NRG4: variants seen among roughly 807,000 people sequenced by gnomAD.
NRG4 encodes the protein pro-neuregulin-4, membrane-bound isoform.
In NRG4, 10 loss-of-function variants were observed where a neutral mutation model predicts 15.0. The ratio of observed to expected loss-of-function variants is 0.67; its 90% confidence interval spans 0.41 to 1.13. NRG4 has a LOEUF of 1.13. NRG4 is among the 50% of genes most tolerant of loss of function. The pLI is 0.00. For synonymous variants in NRG4, 41 were observed against 50.1 expected (o/e 0.82, Z 0.77); for missense variants, 139 against 140.2 (o/e 0.99, Z 0.04).
intron 4 of NRG4, among the ~76,000 whole-genome samples, chr15:76,036,923 A>G (rs550450345): frequency 6.6e-5 from 10 of 152,322 alleles, no homozygotes; most frequent in African/African-American, 2.4e-4. Context: ...AGAGAATCCA[A>G]ACTGGAAAGG....
At chr15:76,055,245 T>C (rs2036125700) in intron 2 of NRG4, among the ~76,000 whole-genome samples, 1 of 152,202 alleles carries the variant, frequency 6.6e-6, no homozygotes, top group South Asian at 2.1e-4. Context: ...ATTGTGCCAC[T>C]GCACTCCAAC....
chr15:75,975,234 C>A (rs2033312048), intron 3 of NRG4, among the ~76,000 whole-genome samples: 1 of 152,040 alleles, frequency 6.6e-6, no homozygotes, highest in African/African-American at 2.4e-5. Flanking sequence ...TATTTTGAGC[C>A]TATATGTGTC....
At chr15:76,016,302 T>A (rs1214819023), upstream of NRG4, among the ~76,000 whole-genome samples, 2 of 152,086 alleles carry the variant, frequency 1.3e-5, no homozygotes, top group African/African-American at 2.4e-5. Flanking sequence ...TGGATACCAT[T>A]GATTTTTTGA....
At chr15:76,016,949 T>C (rs1390413012), upstream of NRG4, among the ~76,000 whole-genome samples, 1 of 152,158 alleles carries the variant, frequency 6.6e-6, no homozygotes, top group Non-Finnish European at 1.5e-5. Flanking sequence ...ACTATTATTG[T>C]GTGGGAGTCT....
chr15:75,969,491 C>T (rs775294789), intron 3 of NRG4, among the ~76,000 whole-genome samples: 3 of 152,174 alleles, frequency 2.0e-5, no homozygotes, highest in Non-Finnish European at 4.4e-5. Context: ...CATTAGCCTT[C>T]AGCTTCTTTG....
rs183749538 is a variant in NRG4 at position 75,974,039 on chromosome 15, T to A, written c.105-12065A>T. Among the ~76,000 whole-genome samples the A allele has an allele frequency of 2.0e-4, 31 of 152,288 alleles. No homozygotes were observed. The East Asian group carries it at 5.8e-3, about 28-fold the overall frequency. On this transcript the variant is annotated intron_variant, in intron 3 of 5. Coordinates refer to ENST00000394907, the MANE Select transcript of NRG4 (RefSeq NM_138573.4). The stretch of plus-strand genomic sequence containing the variant: ...GTAGGCTATTAATTACTGCCTCAAT[T>A]TCAGAACTTGTTATTGGTCTATTCA...
intron 3 of NRG4, among the ~76,000 whole-genome samples, chr15:75,998,016 A>G (rs956471691): frequency 6.6e-6 from 1 of 152,230 alleles, no homozygotes; most frequent in African/African-American, 2.4e-5. Context: ...TAAAAGATAC[A>G]AAGTTTGACT....
At chr15:76,040,967 TAGAC>T (rs1424929182) in intron 4 of NRG4, among the ~76,000 whole-genome samples, 5 of 152,122 alleles carry the variant, frequency 3.3e-5, no homozygotes, top group African/African-American at 4.8e-5. Context: ...TTTCAAAACA[TAGAC>T]AGAACTGTAA....
intron 5 of NRG4, among the ~76,000 whole-genome samples, chr15:76,019,351 C>A (rs192132469): frequency 3.3e-5 from 5 of 152,100 alleles, no homozygotes; most frequent in African/African-American, 1.2e-4. Context: ...GGTTCTGTCT[C>A]GCTGGTGTTC....
At chr15:75,972,908 A>G (rs1350800109) in intron 3 of NRG4, among the ~76,000 whole-genome samples, 1 of 152,220 alleles carries the variant, frequency 6.6e-6, no homozygotes, top group Non-Finnish European at 1.5e-5. Flanking sequence ...TTCTGTGAAG[A>G]AAGTCAATGG....
intron 3 of NRG4, among the ~76,000 whole-genome samples, chr15:76,001,440 TAA>T (rs760001122): frequency 4.6e-5 from 7 of 152,224 alleles, no homozygotes; most frequent in Non-Finnish European, 8.8e-5. Flanking sequence ...TTTTTCACAT[TAA>T]GTCTTCAAAA....
Position 75,947,577 on chromosome 15 carries a change from C to A in NRG4, c.332-3923G>T, listed in dbSNP as rs78084541. Among the ~76,000 whole-genome samples the A allele has an allele frequency of 3.2e-3, 482 of 152,324 alleles. 2 individuals are homozygous for A. Among genetic ancestry groups the A allele is most frequent in the African/African-American group, 0.011 (459 of 41,552 alleles). On this transcript the variant is annotated intron_variant, in intron 5 of 5. Coordinates refer to ENST00000394907, the MANE Select transcript of NRG4 (RefSeq NM_138573.4). ...TGAAAAGACAAGAACCAAGGTCTCA[C>A]AACAGCCATTAACACTATGAGTGTA...
chr15:76,037,351 T>A (rs147537197), intron 4 of NRG4, among the ~76,000 whole-genome samples: 1 of 152,156 alleles, frequency 6.6e-6, no homozygotes, highest in African/African-American at 2.4e-5. Flanking sequence ...CCCTATCCCA[T>A]CACAGTAGCC....
intron 3 of NRG4, among the ~76,000 whole-genome samples, chr15:75,995,348 A>G (rs1172339274): frequency 6.6e-6 from 1 of 152,154 alleles, no homozygotes; most frequent in Admixed American, 6.6e-5. Context: ...GAGCCAGTGT[A>G]TCACCTGGTG....
chr15:76,025,363 C>T (rs571489948), intron 5 of NRG4, among the ~76,000 whole-genome samples: 19 of 152,124 alleles, frequency 1.2e-4, no homozygotes, highest in South Asian at 1.2e-3. Context: ...GGTGTGAACC[C>T]GGCAGGCGGA....
chr15:75,974,176 T>C (rs796416060), intron 3 of NRG4, among the ~76,000 whole-genome samples: 4 of 152,236 alleles, frequency 2.6e-5, no homozygotes, highest in African/African-American at 9.6e-5. Context: ...TAGTATTCTC[T>C]GATGTTAGTT....
At chr15:76,014,310 G>A (rs2034908808), upstream of NRG4, among the ~76,000 whole-genome samples, 1 of 152,124 alleles carries the variant, frequency 6.6e-6, no homozygotes, top group South Asian at 2.1e-4. Context: ...TTACTCTGAC[G>A]AGAGTTTCTT....
chr15:75,936,047 A>G (rs1313795532), downstream of NRG4: 1 of 152,226 alleles, frequency 6.6e-6, no homozygotes, highest in Non-Finnish European at 1.5e-5. Flanking sequence ...TCGGCCTCCC[A>G]AAGTGCTGGG....
chr15:76,009,167 A>C (rs1422707343), intron 3 of NRG4, 33 bp downstream of exon 3: 8 of 998,212 alleles, frequency 8.0e-6, no homozygotes, highest in Non-Finnish European at 1.3e-5. Flanking sequence ...TAAAAAATAA[A>C]GTTAACATCT....
Sources: gnomAD v4.1 joint callset for allele counts (sites outside exome capture counted in the v4.1 genomes callset) on GRCh38, gnomAD v4.1.1 for gene constraint, MANE v1.5 for transcripts, NCBI Gene and HGNC (gene_info 2026-07-23, HGNC 2026-07-21) for gene names.